Variants in MGLL observed in about 807,000 individuals in gnomAD.
The protein encoded by MGLL is monoglyceride lipase.
MGLL carries 7 observed loss-of-function variants against 29.1 expected under a neutral mutation model. The observed-to-expected ratio is 0.24, with a 90% CI of 0.14 to 0.45. The LOEUF (loss-of-function observed/expected upper bound fraction) is 0.45. MGLL is among the 20% of genes least tolerant of loss of function. MGLL has a pLI of 0.99. For missense variants in MGLL, 356 were observed against 413.6 expected, an observed-to-expected ratio of 0.86 and a Z score of 1.21; for synonymous variants, 148 against 168.3, an observed-to-expected ratio of 0.88 and a Z score of 0.93.
Position 127,744,929 on chromosome 3 carries a change from C to T in MGLL, c.263-22363G>A, listed in dbSNP as rs78028904. ...TGTGCTGTCCACGTCCTTAAGATCA[C>T]CTTTATCTGAGTTAGAAAACAGATG... On this transcript the variant is annotated intron_variant, in intron 3 of 7. Transcript: ENST00000265052. 0.011 allele frequency among the ~76,000 whole-genome samples: 1,688 copies of T among 152,278 alleles called. 178 individuals carry two copies. In the East Asian group the frequency reaches 0.26, roughly 24 times the overall value.
At chr3:127,800,323 C>G (rs1019050122) in intron 2 of MGLL, among the ~76,000 whole-genome samples, 1 of 152,202 alleles carries the variant, frequency 6.6e-6, no homozygotes, top group Non-Finnish European at 1.5e-5. Context: ...TTTGAGGTCT[C>G]TGTGCTCAGC....
chr3:127,772,187 G>A (rs1057208124), intron 3 of MGLL, among the ~76,000 whole-genome samples: 1 of 152,188 alleles, frequency 6.6e-6, no homozygotes, highest in Non-Finnish European at 1.5e-5. Flanking sequence ...TCAACTTAGG[G>A]GATTGTGCAG....
chr3:127,761,696 G>A lies in MGLL; in HGVS notation c.262+20093C>T, dbSNP rs2076768086. Among the ~76,000 whole-genome samples the A allele has an allele frequency of 6.6e-6, 1 of 152,208 alleles. No individual in the cohort carries two copies. The highest frequency in any genetic ancestry group is 1.5e-5 in the Non-Finnish European group (1 of 68,038). ...AGGGCTGGCGCACAGCCGGCCGTGG[G>A]CAGAGCTGGACTGCCACGCAGGCTG... On this transcript the variant is annotated intron_variant, in intron 3 of 7. Transcript: ENST00000265052. The surrounding 1 kb of genome is among the most constrained non-coding windows in gnomAD (Gnocchi z 4.6).
At chr3:127,816,827 A>G (rs562002927) in intron 2 of MGLL, among the ~76,000 whole-genome samples, 1 of 152,306 alleles carries the variant, frequency 6.6e-6, no homozygotes, top group African/African-American at 2.4e-5. Flanking sequence ...AGGAGGGAGG[A>G]GCCCTGTCTT....
intron 3 of MGLL, among the ~76,000 whole-genome samples, chr3:127,781,195 G>A (rs2077118680): frequency 6.6e-6 from 1 of 152,102 alleles, no homozygotes; most frequent in Non-Finnish European, 1.5e-5. Flanking sequence ...ATGTGTGTAT[G>A]TGTGTTTTAC....
At chr3:127,819,513 C>T (rs531453631) in intron 2 of MGLL, among the ~76,000 whole-genome samples, 12 of 152,230 alleles carry the variant, frequency 7.9e-5, no homozygotes, top group Non-Finnish European at 1.6e-4. Flanking sequence ...AGGGTTCAGT[C>T]TCCTCTTTTT....
At chr3:127,697,702 C>G (rs1264615382) in intron 6 of MGLL, among the ~76,000 whole-genome samples, 2 of 152,200 alleles carry the variant, frequency 1.3e-5, no homozygotes, top group African/African-American at 4.8e-5. Context: ...TTCTCCTTGC[C>G]CCACAGAAAG....
At chr3:127,782,946 T>G (rs1227578002) in intron 2 of MGLL, among the ~76,000 whole-genome samples, 1 of 152,026 alleles carries the variant, frequency 6.6e-6, no homozygotes, top group Non-Finnish European at 1.5e-5. Flanking sequence ...CCCAGCACTT[T>G]CGGAGGCCAA....
At chr3:127,781,486 T>C (rs778710287) in intron 3 of MGLL, among the ~76,000 whole-genome samples, 19 of 152,208 alleles carry the variant, frequency 1.2e-4, no homozygotes, top group Non-Finnish European at 2.2e-4. Context: ...AGGGCCCATT[T>C]TGAGAGAAAG....
At chr3:127,707,513 C>A (rs1483063199) in intron 6 of MGLL, among the ~76,000 whole-genome samples, 1 of 152,248 alleles carries the variant, frequency 6.6e-6, no homozygotes, top group Non-Finnish European at 1.5e-5. Flanking sequence ...AATATATTGA[C>A]AAACATAATA....
At chr3:127,725,617 C>G (rs1467804638) in intron 3 of MGLL, among the ~76,000 whole-genome samples, 2 of 152,140 alleles carry the variant, frequency 1.3e-5, no homozygotes, top group Non-Finnish European at 2.9e-5. Context: ...AGGGCTCCTC[C>G]CCAGCTTCTT....
At chr3:127,728,395 A>G (rs964346886) in intron 3 of MGLL, among the ~76,000 whole-genome samples, 2 of 152,040 alleles carry the variant, frequency 1.3e-5, no homozygotes, top group African/African-American at 2.4e-5. Context: ...CCATCCACCC[A>G]TCTATTCTTA....
chr3:127,755,196 G>A (rs2076641416), intron 3 of MGLL, among the ~76,000 whole-genome samples: 2 of 152,172 alleles, frequency 1.3e-5, no homozygotes, highest in African/African-American at 4.8e-5. Flanking sequence ...GGATTCAAAT[G>A]ATTTCACTTC....
At chr3:127,702,734 G>A (rs1329041280) in intron 6 of MGLL, among the ~76,000 whole-genome samples, 4 of 152,022 alleles carry the variant, frequency 2.6e-5, no homozygotes, top group African/African-American at 7.3e-5. Flanking sequence ...CGCTCTTGTC[G>A]CCCAGGCTGG....
intron 3 of MGLL, among the ~76,000 whole-genome samples, chr3:127,762,970 C>T (rs775905050): frequency 6.6e-6 from 1 of 152,202 alleles, no homozygotes; most frequent in Non-Finnish European, 1.5e-5. Context: ...CCAGACTCTG[C>T]CTTCCCCCCA....
At chr3:127,704,836 C>G (rs1380556566) in intron 6 of MGLL, among the ~76,000 whole-genome samples, 1 of 151,868 alleles carries the variant, frequency 6.6e-6, no homozygotes, top group Non-Finnish European at 1.5e-5. Context: ...AACAGAAACC[C>G]CATTTGACCC....
chr3:127,692,411 C>T (rs73859252), intron 7 of MGLL, 88 bp from the exon 8 acceptor site: 22,432 of 1,538,662 alleles, frequency 0.015, 830 homozygotes, highest in African/African-American at 0.11. Flanking sequence ...CAGGGGTCTG[C>T]AGCATTCTCC....
chr3:127,695,438 G>GT (rs1207249644), intron 6 of MGLL, among the ~76,000 whole-genome samples: 1 of 152,214 alleles, frequency 6.6e-6, no homozygotes, highest in African/African-American at 2.4e-5. Context: ...AAAATGTCAA[G>GT]TATTGGCCAG....
chr3:127,697,419 C>A, intron 6 of MGLL, among the ~76,000 whole-genome samples: 1 of 152,232 alleles, frequency 6.6e-6, no homozygotes, highest in East Asian at 1.9e-4. Context: ...ACTGGGCCTC[C>A]ATAACTCCCC....
Sources: allele counts gnomAD v4.1 joint callset (sites outside exome capture counted in the v4.1 genomes callset), GRCh38; gene constraint gnomAD v4.1.1; non-coding constraint Gnocchi (gnomAD v3.1); transcripts MANE v1.5; gene names NCBI Gene and HGNC (gene_info 2026-07-23, HGNC 2026-07-21).